Variants in NPAS3 observed in about 807,000 individuals in gnomAD.
NPAS3 encodes the protein neuronal PAS domain protein 3.
NPAS3 carries 14 observed loss-of-function variants against 73.1 expected under a neutral mutation model. The ratio of observed to expected loss-of-function variants is 0.19; its 90% CI spans 0.13 to 0.30. NPAS3 has a LOEUF of 0.30. Ranked by LOEUF, NPAS3 falls within the 10% of genes least tolerant of loss-of-function variation. NPAS3 has a pLI of 1.00. For missense variants in NPAS3, 1,096 were observed against 1,250.0 expected (o/e 0.88, Z 1.86); for synonymous variants, 620 against 541.5 (o/e 1.14, Z -2.01).
chr14:33,475,055 A>G (rs757063675), intron 4 of NPAS3, among the ~76,000 whole-genome samples: 5 of 152,202 alleles, frequency 3.3e-5, no homozygotes, highest in Non-Finnish European at 2.9e-5. Context: ...TCCGAAGCTG[A>G]CATGCACTCC....
chr14:33,334,007 G>T (rs1470957185), intron 3 of NPAS3, among the ~76,000 whole-genome samples: 5 of 152,074 alleles, frequency 3.3e-5, no homozygotes, highest in Non-Finnish European at 1.5e-5. Flanking sequence ...ATCTTAGGTA[G>T]ATTATAAAAT....
At chr14:33,488,865 G>T (rs940712384) in intron 4 of NPAS3, among the ~76,000 whole-genome samples, 1 of 152,124 alleles carries the variant, frequency 6.6e-6, no homozygotes, top group Non-Finnish European at 1.5e-5. Context: ...TCCATATTGA[G>T]GTGCCGTATG....
chr14:33,454,991 G>A (rs988068838), intron 4 of NPAS3, among the ~76,000 whole-genome samples: 7 of 152,194 alleles, frequency 4.6e-5, no homozygotes, highest in East Asian at 3.9e-4. Flanking sequence ...GGCACCCGGC[G>A]CTGGCTTCCA....
intron 7 of NPAS3, among the ~76,000 whole-genome samples, chr14:33,739,826 G>A (rs542024845): frequency 2.0e-5 from 3 of 152,218 alleles, no homozygotes; most frequent in Non-Finnish European, 4.4e-5. Context: ...TATCACAATA[G>A]TCCTTTCCTT....
Position 33,710,205 on chromosome 14 carries a change from A to C in NPAS3, c.734-25009A>C, listed in dbSNP as rs199567258. 2.1e-4 allele frequency among the ~76,000 whole-genome samples: 32 copies of C among 152,388 alleles called. No homozygotes were observed. In the East Asian group the frequency reaches 5.8e-3, roughly 28 times the overall value. The stretch of plus-strand genomic sequence containing the variant: ...GGTGGCAAAGGCAAAACTTGTGAGC[A>C]GAACGCCAATTCCAATCTCTAATTA... On this transcript the variant is annotated intron_variant, in intron 6 of 11. Coordinates refer to ENST00000356141, the Ensembl canonical transcript of NPAS3.
chr14:33,553,433 A>T (rs2055214282), intron 4 of NPAS3, among the ~76,000 whole-genome samples: 1 of 152,198 alleles, frequency 6.6e-6, no homozygotes, highest in Non-Finnish European at 1.5e-5. Context: ...CTCACCTAAG[A>T]GGTTTCAATT....
intron 9 of NPAS3, among the ~76,000 whole-genome samples, chr14:33,790,339 T>TA (rs1303787075): frequency 6.6e-6 from 1 of 152,170 alleles, no homozygotes; most frequent in African/African-American, 2.4e-5. Context: ...AACTTGAAAA[T>TA]AAAAAACAAC....
Position 33,308,239 on chromosome 14 carries a change from T to C in NPAS3, c.386-58947T>C, listed in dbSNP as rs1229632820. 2.0e-5 allele frequency among the ~76,000 whole-genome samples: 3 copies of C among 152,120 alleles called. No individual in the cohort carries two copies. The East Asian group carries it at 5.8e-4, about 29-fold the overall frequency. On this transcript the variant is annotated intron_variant, in intron 3 of 11. Coordinates refer to ENST00000356141, the Ensembl canonical transcript of NPAS3. ...AACAAAGGCTGTGACAGTGAGAATGTGCCATACCGTACATTACTGGTGTTT... is the reference window on the plus strand; with the variant it reads ...AACAAAGGCTGTGACAGTGAGAATGCGCCATACCGTACATTACTGGTGTTT...
intron 4 of NPAS3, among the ~76,000 whole-genome samples, chr14:33,471,755 A>G (rs4982090): frequency 0.99 from 150,073 of 152,310 alleles, 73,956 homozygotes; most frequent in Middle Eastern, 1. Context: ...TTAAAACTGG[A>G]GTCCCCAACC....
intron 3 of NPAS3, among the ~76,000 whole-genome samples, chr14:33,366,371 CAGTTATTA>C (rs2045845297): frequency 6.6e-6 from 1 of 151,914 alleles, no homozygotes; most frequent in African/African-American, 2.4e-5. Context: ...CTGGATTCCA[CAGTTATTA>C]TTGCATTAAA....
chr14:33,059,423 T>C (rs928081995), intron 2 of NPAS3, among the ~76,000 whole-genome samples: 1 of 152,242 alleles, frequency 6.6e-6, no homozygotes, highest in African/African-American at 2.4e-5. Flanking sequence ...TATTATACTT[T>C]CAATTTAAAA....
intron 2 of NPAS3, among the ~76,000 whole-genome samples, chr14:33,090,765 A>C (rs2042197741): frequency 6.6e-6 from 1 of 152,232 alleles, no homozygotes; most frequent in South Asian, 2.1e-4. Flanking sequence ...ACTCCTTAGC[A>C]AATGTAAAAG....
intron 4 of NPAS3, among the ~76,000 whole-genome samples, chr14:33,553,090 G>C (rs1342230454): frequency 2.6e-4 from 39 of 152,192 alleles, no homozygotes; most frequent in Admixed American, 2.6e-3. Context: ...TGCCCCTGTG[G>C]ATCAGAAGCC....
chr14:33,708,223 G>A (rs1180383498), intron 6 of NPAS3, among the ~76,000 whole-genome samples: 3 of 152,114 alleles, frequency 2.0e-5, no homozygotes, highest in Admixed American at 6.5e-5. Context: ...TGAGCAAGGC[G>A]GTGTCCTCGG....
intron 2 of NPAS3, among the ~76,000 whole-genome samples, chr14:33,167,528 A>G (rs1253721661): frequency 6.6e-6 from 1 of 152,198 alleles, no homozygotes; most frequent in Non-Finnish European, 1.5e-5. Context: ...GAAATCTGAA[A>G]TGTGTGGACT....
intron 7 of NPAS3, among the ~76,000 whole-genome samples, chr14:33,737,233 A>G (rs1325878463): frequency 2.6e-5 from 4 of 152,132 alleles, no homozygotes; most frequent in African/African-American, 7.2e-5. Context: ...AAGATTATAA[A>G]AGGTCACGCT....
chr14:33,774,326 T>C lies in NPAS3; in HGVS notation c.853-11T>C. The C allele has an allele frequency of 6.2e-7, 1 of 1,609,454 alleles. No individual in the cohort carries two copies. Among genetic ancestry groups the C allele is most frequent in the Non-Finnish European group, 8.5e-7 (1 of 1,176,242 alleles). On this transcript the variant is annotated splice_polypyrimidine_tract_variant and intron_variant, in intron 7 of 11. Transcript: ENST00000356141. ...TTTGACTGGTGTCCTGTACTTAATGTTGTTTTACAGGTGATTCACATAACA... is the reference window on the plus strand; with the variant it reads ...TTTGACTGGTGTCCTGTACTTAATGCTGTTTTACAGGTGATTCACATAACA...
At chr14:33,172,667 C>A (rs760056287) in intron 2 of NPAS3, among the ~76,000 whole-genome samples, 6 of 151,620 alleles carry the variant, frequency 4.0e-5, no homozygotes, top group African/African-American at 1.5e-4. Flanking sequence ...ACCTTGGAGG[C>A]GGAGGTTACG....
chr14:33,545,654 A>G (rs576638906), intron 4 of NPAS3, among the ~76,000 whole-genome samples: 14 of 152,284 alleles, frequency 9.2e-5, no homozygotes, highest in South Asian at 8.3e-4. Context: ...CTGGCCACAT[A>G]GGCTCTTTAG....
Sources: allele counts gnomAD v4.1 joint callset (sites outside exome capture counted in the v4.1 genomes callset), GRCh38; gene constraint gnomAD v4.1.1; transcripts MANE v1.5; gene names NCBI Gene and HGNC (gene_info 2026-07-23, HGNC 2026-07-21).